Variants in CLTC observed in about 807,000 individuals in gnomAD.
The protein encoded by CLTC is clathrin heavy chain 1.
Under a neutral mutation model 195.8 loss-of-function variants are expected in CLTC, and 16 were observed. That is an observed-to-expected ratio of 0.08 (90% CI 0.06 to 0.12). The LOEUF is 0.12. Ranked by LOEUF, CLTC falls within the 10% of genes least tolerant of loss-of-function variation. CLTC has a pLI of 1.00. For missense variants in CLTC, 796 were observed against 2,027.0 expected (o/e 0.39, Z 11.66); for synonymous variants, 667 against 689.4 (o/e 0.97, Z 0.51).
At chr17:59,690,814 G>C (rs1356258711) in intron 31 of CLTC, 103 bp downstream of exon 31, 21 of 834,474 alleles carry the variant, frequency 2.5e-5, no homozygotes, top group Admixed American at 5.1e-5. Context: ...AGTGCAAAAG[G>C]CTTTCTAAGA....
chr17:59,658,786 G>T (rs1281709506), intron 6 of CLTC: 1 of 152,224 alleles, frequency 6.6e-6, no homozygotes, highest in Non-Finnish European at 1.5e-5. Context: ...TGTGGATTCA[G>T]TATGTGGGGA....
In CLTC at chr17:59,637,554, T is replaced by TA. The variant is rs545077564; in HGVS notation, c.43-6706dup. Among the ~76,000 whole-genome samples, 1,201 of 131,334 alleles carry TA rather than the reference T, an allele frequency of 9.1e-3. 6 individuals are homozygous for TA. Among genetic ancestry groups the TA allele is most frequent in the African/African-American group, 0.018 (660 of 35,982 alleles). 86.2% of individuals were successfully genotyped at this position (131,334 alleles called of 152,430 possible). On this transcript the variant is annotated intron_variant, in intron 1 of 31. Transcript: ENST00000269122. Reference sequence around the variant, plus strand: ...CCACCGTGCCCAGCCTGAAGTTTCTTAAAAAAAAAAAAAAAATTTTTTTTT... The same window carrying TA: ...CCACCGTGCCCAGCCTGAAGTTTCTTAAAAAAAAAAAAAAAAATTTTTTTTT...
chr17:59,673,425 G>A (rs1015659433), intron 14 of CLTC, among the ~76,000 whole-genome samples: 7 of 152,082 alleles, frequency 4.6e-5, no homozygotes, highest in African/African-American at 1.7e-4. Flanking sequence ...GGTGTGTATG[G>A]GAAAGACTTG....
chr17:59,680,602 A>G lies in CLTC; in HGVS notation c.2920-310A>G, dbSNP rs141604814. 7.2e-5 allele frequency among the ~76,000 whole-genome samples: 11 copies of G among 152,284 alleles called. No homozygotes were observed. In the East Asian group the frequency reaches 1.4e-3, roughly 19 times the overall value. ...ATAGCCAAAACCAGACGAATTACCG[A>G]TATTTTAATTCCACATCTGTGTAGC... On this transcript the variant is annotated intron_variant, in intron 18 of 31. Coordinates refer to ENST00000269122, the MANE Select transcript of CLTC (RefSeq NM_004859.4).
In CLTC at chr17:59,683,034, A is replaced by G. The variant is rs1323152094; in HGVS notation, c.3873+20A>G. 3 of 1,613,902 alleles carry G rather than the reference A, an allele frequency of 1.9e-6. No individual in the cohort carries two copies. The highest frequency in any genetic ancestry group is 1.1e-5 in the South Asian group (1 of 91,080). On this transcript the variant is annotated intron_variant, in intron 24 of 31. Coordinates refer to ENST00000269122, the MANE Select transcript of CLTC (RefSeq NM_004859.4). The surrounding 1 kb of genome is among the most constrained non-coding windows in gnomAD (Gnocchi z 6.1). ...TATCAGGTATTAACGAGACTTTTAT[A>G]TGACCTGAGATCTTTTACCATAGAT...
intron 17 of CLTC, 97 bp from the exon 18 acceptor site, chr17:59,679,300 C>T: frequency 2.1e-6 from 2 of 973,714 alleles, no homozygotes; most frequent in East Asian, 2.8e-5. Context: ...GTAAGATTAT[C>T]AATAAACATA....
chr17:59,691,362 T>C (rs1323423679), intron 31 of CLTC, among the ~76,000 whole-genome samples: 1 of 152,178 alleles, frequency 6.6e-6, no homozygotes, highest in South Asian at 2.1e-4. Context: ...CGGTGGCTCA[T>C]GCCTGTAATC....
intron 1 of CLTC, among the ~76,000 whole-genome samples, chr17:59,624,241 C>A (rs936833952): frequency 7.9e-5 from 12 of 151,928 alleles, no homozygotes; most frequent in Non-Finnish European, 1.0e-4. Context: ...TCTTCTGACA[C>A]AAAATATTTC....
chr17:59,648,357 TCAACG>T lies in CLTC; in HGVS notation c.638_642del (p.Ser213PhefsTer18). The T allele has an allele frequency of 6.2e-7, 1 of 1,614,068 alleles. No individual in the cohort carries two copies. ...TAAGATGGAAGGAAATGCAGAAGAA[TCAACG>T]TTATTTTGTTTTGCAGTTCGGGGCC... is the stretch of plus-strand genomic sequence containing the variant. On this transcript the variant is annotated frameshift_variant, in exon 4 of 32. Transcript: ENST00000269122. LOFTEE classifies it high-confidence loss of function. The surrounding 1 kb of genome is among the most constrained non-coding windows in gnomAD (Gnocchi z 4.5).
At chr17:59,620,777 C>G (rs554302757) in intron 1 of CLTC, among the ~76,000 whole-genome samples, 1 of 152,250 alleles carries the variant, frequency 6.6e-6, no homozygotes, top group African/African-American at 2.4e-5. Flanking sequence ...CAGAAGGTCA[C>G]TGAAAGAACG....
chr17:59,693,596 C>A, intron 31 of CLTC, 132 bp from the exon 32 acceptor site: 1 of 1,058,894 alleles, frequency 9.4e-7, no homozygotes, highest in East Asian at 2.7e-5. Context: ...ATCAAATGTG[C>A]CCCCCATACA....
Position 59,685,860 on chromosome 17 carries a change from C to T in CLTC, c.4827+52C>T. Reference sequence around the variant, plus strand: ...AACTAGTTTCCTTGCATGTAAAATTCTACATGCACATTAATTTTTTTAAAT... The same window carrying T: ...AACTAGTTTCCTTGCATGTAAAATTTTACATGCACATTAATTTTTTTAAAT... On this transcript the variant is annotated intron_variant, in intron 30 of 31. Coordinates refer to ENST00000269122, the MANE Select transcript of CLTC (RefSeq NM_004859.4). The surrounding 1 kb of genome is among the most constrained non-coding windows in gnomAD (Gnocchi z 5.0). 1 of 1,280,236 alleles carries T rather than the reference C, an allele frequency of 7.8e-7. No homozygotes were observed. The highest frequency in any genetic ancestry group is 1.1e-6 in the Non-Finnish European group (1 of 922,718). The allele number at this position is 1,280,236 out of a possible 1,614,324, so 79.3% of individuals were successfully genotyped here.
intron 14 of CLTC, among the ~76,000 whole-genome samples, chr17:59,670,632 T>C (rs1456334775): frequency 1.3e-5 from 2 of 152,212 alleles, no homozygotes; most frequent in Non-Finnish European, 2.9e-5. Context: ...GCTTAAATTG[T>C]AACTTCTTTA....
intron 1 of CLTC, among the ~76,000 whole-genome samples, chr17:59,640,906 G>A (rs1484549976): frequency 1.3e-5 from 2 of 151,914 alleles, no homozygotes; most frequent in African/African-American, 2.4e-5. Flanking sequence ...GGAACATGAG[G>A]TCAAGAGATC....
intron 1 of CLTC, among the ~76,000 whole-genome samples, chr17:59,631,354 AG>A (rs2031709634): frequency 1.3e-5 from 2 of 152,226 alleles, no homozygotes; most frequent in Admixed American, 6.5e-5. Context: ...TCTCTGCATT[AG>A]TGTAGTGTCT....
chr17:59,639,573 A>G (rs1173484100), intron 1 of CLTC, among the ~76,000 whole-genome samples: 3 of 152,192 alleles, frequency 2.0e-5, no homozygotes, highest in Non-Finnish European at 4.4e-5. Flanking sequence ...GTATCCAGAT[A>G]TATTACATGT....
At chr17:59,633,582 G>A (rs773792935) in intron 1 of CLTC, among the ~76,000 whole-genome samples, 26 of 152,330 alleles carry the variant, frequency 1.7e-4, no homozygotes, top group Non-Finnish European at 3.1e-4. Context: ...GACTGAGTAT[G>A]CCTTAAATGA....
intron 8 of CLTC, among the ~76,000 whole-genome samples, chr17:59,662,636 A>G (rs1245434146): frequency 6.6e-6 from 1 of 152,198 alleles, no homozygotes; most frequent in Non-Finnish European, 1.5e-5. Context: ...TATATTATTA[A>G]TTCTAAGTCC....
intron 6 of CLTC, among the ~76,000 whole-genome samples, chr17:59,659,413 ATATTAT>A (rs976871835): frequency 6.7e-6 from 1 of 150,374 alleles, no homozygotes; most frequent in Non-Finnish European, 1.5e-5. Context: ...GCCTTTACTG[ATATTAT>A]TATTATTTTA....
Sources: gnomAD v4.1 joint callset for allele counts (sites outside exome capture counted in the v4.1 genomes callset) on GRCh38, gnomAD v4.1.1 for gene constraint, Gnocchi (gnomAD v3.1) non-coding constraint, MANE v1.5 for transcripts, NCBI Gene and HGNC (gene_info 2026-07-23, HGNC 2026-07-21) for gene names.